The following TRPS1 variants were observed in gnomAD, a reference collection of about 807,000 sequenced individuals.
TRPS1 encodes zinc finger transcription factor Trps1.
In TRPS1, 6 loss-of-function variants were observed where a neutral mutation model predicts 101.2. The observed-to-expected ratio is 0.06, with a 90% CI of 0.03 to 0.12. TRPS1 has a LOEUF of 0.12. Among genes scored for constraint, TRPS1 ranks in the 10% least tolerant of loss-of-function variants. The pLI is 1.00. For synonymous variants in TRPS1, 578 were observed against 589.8 expected, an observed-to-expected ratio of 0.98 and a Z score of 0.29; for missense variants, 1,363 against 1,567.0, an observed-to-expected ratio of 0.87 and a Z score of 2.20.
At chr8:115,649,586 C>G (rs1235428087) in intron 1 of TRPS1, among the ~76,000 whole-genome samples, 1 of 152,202 alleles carries the variant, frequency 6.6e-6, no homozygotes, top group Non-Finnish European at 1.5e-5. Flanking sequence ...CAATGGAAGA[C>G]GAACCTCTTG....
intron 6 of TRPS1, among the ~76,000 whole-genome samples, chr8:115,417,706 C>T (rs1475753453): frequency 6.6e-6 from 1 of 152,106 alleles, no homozygotes; most frequent in African/African-American, 2.4e-5. Flanking sequence ...TCTTAAAAGA[C>T]AAAGTATCTT....
At chr8:115,637,991 T>C (rs1246606070) in intron 1 of TRPS1, among the ~76,000 whole-genome samples, 1 of 152,158 alleles carries the variant, frequency 6.6e-6, no homozygotes, top group East Asian at 1.9e-4. Flanking sequence ...AACATAAATT[T>C]AGGTTTTCCA....
chr8:115,548,186 A>T (rs1325959886), intron 5 of TRPS1, among the ~76,000 whole-genome samples: 1 of 152,100 alleles, frequency 6.6e-6, no homozygotes, highest in Non-Finnish European at 1.5e-5. Context: ...GTGAGCCATG[A>T]TTGCACCAGT....
rs761825567 is a variant in TRPS1 at position 115,623,596 on chromosome 8, C to T, written c.37+5G>A. ...CATTTTCACTTGAAAAAATAGATCACATACTTGTAAAATCATACCCAGCAT... is the reference window on the plus strand; with the variant it reads ...CATTTTCACTTGAAAAAATAGATCATATACTTGTAAAATCATACCCAGCAT... On this transcript the variant is annotated splice_donor_5th_base_variant and intron_variant, in intron 2 of 6. Coordinates refer to ENST00000395715, the MANE Select transcript of TRPS1 (RefSeq NM_014112.5). 5 of 1,612,090 alleles carry T rather than the reference C, an allele frequency of 3.1e-6. No homozygotes were observed. Among genetic ancestry groups the T allele is most frequent in the Middle Eastern group, 1.6e-4 (1 of 6,074 alleles).
At chr8:115,484,454 A>C (rs1189773636) in intron 5 of TRPS1, among the ~76,000 whole-genome samples, 2 of 152,214 alleles carry the variant, frequency 1.3e-5, no homozygotes, top group African/African-American at 4.8e-5. Flanking sequence ...TAGTACTTAG[A>C]TGCTGAAGAC....
At chr8:115,461,308 C>T (rs868369079) in intron 5 of TRPS1, among the ~76,000 whole-genome samples, 3 of 105,356 alleles carry the variant, frequency 2.8e-5, no homozygotes, top group Non-Finnish European at 7.4e-5. Context: ...TAGACAGATA[C>T]ATACATACAT....
rs893151137 is a variant in TRPS1, at chr8:115,412,382, G to C, written c.*1641C>G. On this transcript the variant is annotated 3_prime_UTR_variant, in exon 7 of 7. Transcript: ENST00000395715. The stretch of plus-strand genomic sequence containing the variant: ...ATAGAAATAGTTGCTTCATTACCTT[G>C]TTTGCTACATTTGCAAATGTAAACA... 4 of 152,352 alleles carry C rather than the reference G, an allele frequency of 2.6e-5. No individual in the cohort carries two copies. The highest frequency in any genetic ancestry group is 7.3e-5 in the African/African-American group (3 of 41,366). The allele number at this position is 152,352 out of a possible 1,614,324, so 9.4% of individuals were successfully genotyped here. A position where few individuals can be genotyped will look rare whatever the true frequency, so the allele number is the denominator to read the frequency against.
At chr8:115,464,284 A>T (rs1365935114) in intron 5 of TRPS1, among the ~76,000 whole-genome samples, 1 of 152,094 alleles carries the variant, frequency 6.6e-6, no homozygotes, top group Non-Finnish European at 1.5e-5. Context: ...GTATAACTAG[A>T]GTGATATTAT....
intron 5 of TRPS1, among the ~76,000 whole-genome samples, chr8:115,481,109 T>C (rs888018187): frequency 1.3e-5 from 2 of 152,106 alleles, no homozygotes; most frequent in Non-Finnish European, 2.9e-5. Flanking sequence ...CATTTTCAAG[T>C]AAAAGTGATG....
chr8:115,604,037 A>G lies in TRPS1; in HGVS notation c.1932T>C (p.Phe644=). Residue 644 remains phenylalanine (F), a synonymous_variant, in exon 4 of 7, where the codon TTT becomes TTC. Transcript: ENST00000395715. The surrounding 1 kb of genome is among the most constrained non-coding windows in gnomAD (Gnocchi z 4.1). ...GGGACTCATGCACACTTTCATAGTGAAAGAGGAGTACATCTACGTCAGGGG... is the reference window on the plus strand; with the variant it reads ...GGGACTCATGCACACTTTCATAGTGGAAGAGGAGTACATCTACGTCAGGGG... The part of the protein sequence containing the change: ...FTTPDVDVLL[F]HYESVHESQA... 2 of 1,614,004 alleles carry G rather than the reference A, an allele frequency of 1.2e-6. No homozygotes were observed. The highest frequency in any genetic ancestry group is 1.7e-6 in the Non-Finnish European group (2 of 1,179,986).
chr8:115,638,553 C>G (rs920545001), intron 1 of TRPS1, among the ~76,000 whole-genome samples: 1 of 152,166 alleles, frequency 6.6e-6, no homozygotes, highest in Non-Finnish European at 1.5e-5. Context: ...GGGCAGAGAT[C>G]TCCTTTTAGC....
intron 5 of TRPS1, among the ~76,000 whole-genome samples, chr8:115,570,057 A>C (rs76256974): frequency 0.052 from 7,869 of 152,172 alleles, 280 homozygotes; most frequent in Middle Eastern, 0.1. Flanking sequence ...TCTATAAAGA[A>C]ATCTCTGTTT....
chr8:115,423,589 G>A (rs758521256), intron 5 of TRPS1, among the ~76,000 whole-genome samples: 8 of 152,096 alleles, frequency 5.3e-5, no homozygotes, highest in Non-Finnish European at 8.8e-5. Context: ...AAACCAATAA[G>A]TATAATGACT....
chr8:115,629,557 G>A (rs1389491651), intron 1 of TRPS1, among the ~76,000 whole-genome samples: 1 of 151,802 alleles, frequency 6.6e-6, no homozygotes, highest in East Asian at 1.9e-4. Flanking sequence ...TGCTAATGCT[G>A]TCCAGCTACC....
chr8:115,491,697 AAGAG>A (rs367651982), intron 5 of TRPS1, among the ~76,000 whole-genome samples: 2 of 151,950 alleles, frequency 1.3e-5, no homozygotes, highest in Non-Finnish European at 2.9e-5. Context: ...GAAAGAAAGA[AAGAG>A]AGAGAGAGAA....
At chr8:115,472,729 C>T (rs1248003078) in intron 5 of TRPS1, among the ~76,000 whole-genome samples, 1 of 152,182 alleles carries the variant, frequency 6.6e-6, no homozygotes, top group Non-Finnish European at 1.5e-5. Context: ...TTTAACAACA[C>T]CCAAGTCACC....
chr8:115,554,037 A>C (rs1306725946), intron 5 of TRPS1, among the ~76,000 whole-genome samples: 2 of 152,212 alleles, frequency 1.3e-5, no homozygotes, highest in East Asian at 3.8e-4. Context: ...TACAAGTTAT[A>C]AAAACATTTT....
intron 5 of TRPS1, among the ~76,000 whole-genome samples, chr8:115,496,785 G>A (rs1815159572): frequency 6.6e-6 from 1 of 152,124 alleles, no homozygotes; most frequent in Non-Finnish European, 1.5e-5. Flanking sequence ...TCTATACCGT[G>A]AAGTCCTGAT....
intron 2 of TRPS1, 42 bp downstream of exon 2, chr8:115,623,559 T>C (rs775327852): frequency 2.2e-5 from 36 of 1,606,398 alleles, no homozygotes; most frequent in Non-Finnish European, 3.1e-5. Flanking sequence ...TGCCAAGAAC[T>C]TTTCCAGTTA....
Sources: gnomAD v4.1 joint callset for allele counts (sites outside exome capture counted in the v4.1 genomes callset) on GRCh38, gnomAD v4.1.1 for gene constraint, Gnocchi (gnomAD v3.1) non-coding constraint, MANE v1.5 for transcripts, NCBI Gene and HGNC (gene_info 2026-07-23, HGNC 2026-07-21) for gene names.